Variants in POU2F1 observed in about 807,000 individuals in gnomAD.
POU2F1 encodes POU domain, class 2, transcription factor 1.
A neutral mutation model predicts 84.9 loss-of-function variants in POU2F1; 16 were observed. The observed-to-expected ratio is 0.19, with a 90% CI of 0.13 to 0.29. POU2F1 has a LOEUF of 0.29. Among genes scored for constraint, POU2F1 ranks in the 10% least tolerant of loss-of-function variants. POU2F1 has a pLI of 1.00. For missense variants in POU2F1, 738 were observed against 942.6 expected, an observed-to-expected ratio of 0.78 and a Z score of 2.84; for synonymous variants, 368 against 368.3, an observed-to-expected ratio of 1.00 and a Z score of 0.01.
At chr1:167,311,107 A>G (rs1384581815) in intron 1 of POU2F1, among the ~76,000 whole-genome samples, 3 of 152,214 alleles carry the variant, frequency 2.0e-5, no homozygotes, top group Non-Finnish European at 4.4e-5. Flanking sequence ...AGTAGAAGGC[A>G]TATACCTATA....
In POU2F1 at chr1:167,415,643, C is replaced by A; in HGVS notation, c.2134C>A (p.Pro712Thr). Reference sequence around the variant, plus strand: ...GAACCTCTCTCTGCTCACCAGCAACCCTGTTAGCTTGGTCTCTGCCGCCGC... The same window carrying A: ...GAACCTCTCTCTGCTCACCAGCAACACTGTTAGCTTGGTCTCTGCCGCCGC... ...PQNLSLLTSN[P>T]VSLVSAAAAS... Residue 712 changes from proline to threonine, a missense_variant, in exon 16 of 16, where the codon CCT becomes ACT. Physicochemically the swap from Pro to Thr is conservative, Grantham distance 38 (BLOSUM62 -1). Coordinates refer to ENST00000367866, the MANE Select transcript of POU2F1 (RefSeq NM_002697.4). 6.2e-7 allele frequency: 1 copy of A among 1,614,216 alleles called. No individual in the cohort carries two copies. Among genetic ancestry groups the A allele is most frequent in the South Asian group, 1.1e-5 (1 of 91,088 alleles).
intron 1 of POU2F1, among the ~76,000 whole-genome samples, chr1:167,268,643 C>T (rs899446196): frequency 2.0e-5 from 3 of 152,208 alleles, no homozygotes; most frequent in Non-Finnish European, 2.9e-5. Context: ...TCCTCTTCCT[C>T]CTATGCCACA....
intron 1 of POU2F1, among the ~76,000 whole-genome samples, chr1:167,274,938 C>A (rs923602799): frequency 2.0e-5 from 3 of 151,668 alleles, no homozygotes; most frequent in African/African-American, 7.3e-5. Context: ...AGATACTCTT[C>A]TGAAACATAC....
intron 7 of POU2F1, among the ~76,000 whole-genome samples, chr1:167,382,927 C>T (rs1468680063): frequency 1.3e-5 from 2 of 152,154 alleles, no homozygotes; most frequent in East Asian, 3.8e-4. Context: ...CTTAAGTGTT[C>T]TGGCTGTTGT....
intron 9 of POU2F1, among the ~76,000 whole-genome samples, chr1:167,391,952 A>C (rs999026325): frequency 6.6e-6 from 1 of 152,156 alleles, no homozygotes; most frequent in Non-Finnish European, 1.5e-5. Context: ...ATGATTTTAG[A>C]GGAAATACAG....
chr1:167,378,963 A>T (rs1395593976), intron 7 of POU2F1: 3 of 146,262 alleles, frequency 2.1e-5, no homozygotes, highest in Non-Finnish European at 4.5e-5. Flanking sequence ...TTGCTCTGTC[A>T]CCCAGGCTGG....
intron 5 of POU2F1, among the ~76,000 whole-genome samples, chr1:167,373,044 A>G (rs998864448): frequency 3.9e-5 from 6 of 151,920 alleles, no homozygotes; most frequent in East Asian, 3.8e-4. Context: ...AGATGTATGT[A>G]TATATATATT....
intron 1 of POU2F1, among the ~76,000 whole-genome samples, chr1:167,313,217 G>A (rs576142358): frequency 4.7e-5 from 7 of 147,708 alleles, no homozygotes; most frequent in South Asian, 2.1e-4. Context: ...ACTATATTCA[G>A]GGATTAGAAG....
chr1:167,311,315 A>T (rs1043711619), intron 1 of POU2F1, among the ~76,000 whole-genome samples: 1 of 152,192 alleles, frequency 6.6e-6, no homozygotes, highest in Admixed American at 6.5e-5. Context: ...GCAAGCCAGG[A>T]GGCCAAGGCA....
chr1:167,231,989 T>C (rs1649098890), intron 1 of POU2F1, among the ~76,000 whole-genome samples: 1 of 152,138 alleles, frequency 6.6e-6, no homozygotes, highest in Admixed American at 6.5e-5. Context: ...TCCCTACTCG[T>C]GTGCCCTCCT....
chr1:167,345,809 A>T (rs1354996626), intron 2 of POU2F1, among the ~76,000 whole-genome samples: 1 of 152,130 alleles, frequency 6.6e-6, no homozygotes, highest in Non-Finnish European at 1.5e-5. Flanking sequence ...TATTTAAGTT[A>T]TTTGAAAAGT....
At chr1:167,382,888 G>C (rs891903631) in intron 7 of POU2F1, among the ~76,000 whole-genome samples, 1 of 152,122 alleles carries the variant, frequency 6.6e-6, no homozygotes, top group African/African-American at 2.4e-5. Context: ...ATAAATAAGT[G>C]ATAAATTCTA....
At chr1:167,385,331 G>C (rs113543693) in intron 8 of POU2F1, among the ~76,000 whole-genome samples, 5 of 152,242 alleles carry the variant, frequency 3.3e-5, no homozygotes, top group African/African-American at 1.2e-4. Context: ...TTTGCATACT[G>C]TTTCTAACAT....
At position 167,415,879 on chromosome 1, in the gene POU2F1, A is replaced by G; in HGVS notation, c.*69A>G. The G allele has an allele frequency of 6.8e-7, 1 of 1,478,192 alleles. No individual in the cohort carries two copies. Among genetic ancestry groups the G allele is most frequent in the Non-Finnish European group, 9.1e-7 (1 of 1,093,336 alleles). The allele number at this position is 1,478,192 out of a possible 1,614,324, so 91.6% of individuals were successfully genotyped here. ...TGTGATTGGACTGCCAGCCAGGTTA[A>G]TAAACTGAAAAATGTGATTGGCTTC... On this transcript the variant is annotated 3_prime_UTR_variant, in exon 16 of 16. Transcript: ENST00000367866.
At chr1:167,265,558 T>C (rs1651882697) in intron 1 of POU2F1, among the ~76,000 whole-genome samples, 1 of 152,210 alleles carries the variant, frequency 6.6e-6, no homozygotes, top group African/African-American at 2.4e-5. Context: ...TTTAGGTATT[T>C]AAAATATTTG....
chr1:167,304,745 T>C (rs1444848269), intron 1 of POU2F1, among the ~76,000 whole-genome samples: 1 of 152,214 alleles, frequency 6.6e-6, no homozygotes, highest in East Asian at 1.9e-4. Flanking sequence ...ATGTTGAAGT[T>C]CAAGTAAACT....
chr1:167,288,334 C>T (rs901621717), intron 1 of POU2F1, among the ~76,000 whole-genome samples: 4 of 152,110 alleles, frequency 2.6e-5, no homozygotes, highest in Non-Finnish European at 5.9e-5. Flanking sequence ...ACTTCATATT[C>T]AGAAATTAAG....
At chr1:167,362,901 C>G (rs893223174) in intron 2 of POU2F1, among the ~76,000 whole-genome samples, 4 of 152,132 alleles carry the variant, frequency 2.6e-5, no homozygotes, top group African/African-American at 7.2e-5. Flanking sequence ...ATGCTCCTGA[C>G]TGGGCCCTTT....
chr1:167,396,446 C>T lies in POU2F1; in HGVS notation c.1129+19C>T, dbSNP rs565794125. ...GATGCAGGTAAGTGACTGTATAAGA[C>T]ATTTCTTTGTCATTCATTGGAATTT... On this transcript the variant is annotated intron_variant, in intron 10 of 15. Transcript: ENST00000367866. The T allele has an allele frequency of 7.5e-6, 12 of 1,604,752 alleles. 1 individual carries two copies. Among genetic ancestry groups the T allele is most frequent in the East Asian group, 4.5e-5 (2 of 44,728 alleles).
Sources: allele counts gnomAD v4.1 joint callset (sites outside exome capture counted in the v4.1 genomes callset), GRCh38; gene constraint gnomAD v4.1.1; transcripts MANE v1.5; gene names NCBI Gene and HGNC (gene_info 2026-07-23, HGNC 2026-07-21).